Variants in APAF1 observed in about 807,000 individuals in gnomAD.
APAF1 encodes the protein apoptotic peptidase activating factor 1, also known as apoptotic protease-activating factor 1.
A neutral mutation model predicts 152.4 loss-of-function variants in APAF1; 91 were observed. That is an observed-to-expected ratio of 0.60 (90% CI 0.50 to 0.71). The LOEUF is 0.71. Ranked by LOEUF, APAF1 falls within the 30% of genes least tolerant of loss-of-function variation. The pLI is 0.00. For synonymous variants in APAF1, 484 were observed against 494.1 expected (o/e 0.98, Z 0.27); for missense variants, 1,283 against 1,472.0 (o/e 0.87, Z 2.10).
At chr12:98,727,109 T>G in intron 25 of APAF1, 64 bp from the exon 26 acceptor site, 1 of 1,479,692 alleles carries the variant, frequency 6.8e-7, no homozygotes, top group Non-Finnish European at 9.4e-7. Flanking sequence ...GACATATATA[T>G]GTTTTAAAAC....
chr12:98,676,928 A>C (rs2097687221), intron 12 of APAF1, among the ~76,000 whole-genome samples: 1 of 152,238 alleles, frequency 6.6e-6, no homozygotes, highest in Non-Finnish European at 1.5e-5. Context: ...TACAGGCATG[A>C]GCCACTGCGC....
chr12:98,692,784 C>T (rs2097705709), intron 16 of APAF1, among the ~76,000 whole-genome samples: 1 of 152,094 alleles, frequency 6.6e-6, no homozygotes. Flanking sequence ...TTTCCTTTAA[C>T]CTTCCGTTGA....
Position 98,662,749 on chromosome 12 carries a change from A to C in APAF1, c.898A>C (p.Asn300His), listed in dbSNP as rs201562861. ...ACTTGAAATTTTATCCCTTTTTGTT[A>C]ATATGAAGAAGGCAGATTTGCCAGA... is the stretch of plus-strand genomic sequence containing the variant. ...KGLEILSLFV[N>H]MKKADLPEQA... The change falls in exon 7 of 27, where the codon AAT becomes CAT. Residue 300 changes from asparagine to histidine, a missense_variant. Physicochemically the swap from Asn to His is moderately conservative, Grantham distance 68. Transcript: ENST00000551964. 6.1e-5 allele frequency: 99 copies of C among 1,612,164 alleles called. 1 individual carries two copies. The highest frequency in any genetic ancestry group is 7.6e-5 in the Non-Finnish European group (90 of 1,179,236).
intron 16 of APAF1, among the ~76,000 whole-genome samples, chr12:98,698,194 G>A (rs1565881773): frequency 2.0e-5 from 3 of 152,050 alleles, no homozygotes; most frequent in Non-Finnish European, 4.4e-5. Flanking sequence ...TTTTCTTTTT[G>A]TTTTTTAAAA....
At position 98,732,602 on chromosome 12, in the gene APAF1, T is replaced by C. The variant is rs1593143871; in HGVS notation, c.*36T>C. 3.4e-6 allele frequency: 5 copies of C among 1,453,042 alleles called. No individual in the cohort carries two copies. In the East Asian group the frequency reaches 1.2e-4, roughly 35 times the overall value. The allele number at this position is 1,453,042 out of a possible 1,614,324, so 90.0% of individuals were successfully genotyped here. A position where few individuals can be genotyped will look rare whatever the true frequency, so the allele number is the denominator to read the frequency against. ...CATTAATGTAGTTGAACTTTTTAAA[T>C]TTTTGAATTGGAAAAAAATTCTAAT... On this transcript the variant is annotated 3_prime_UTR_variant, in exon 27 of 27. Transcript: ENST00000551964.
intron 19 of APAF1, among the ~76,000 whole-genome samples, 185 bp from the exon 20 acceptor site, chr12:98,708,400 C>A (rs2097724141): frequency 6.6e-6 from 1 of 152,202 alleles, no homozygotes; most frequent in Non-Finnish European, 1.5e-5. Context: ...GAGCCCATAA[C>A]TCTTAATACT....
intron 4 of APAF1, among the ~76,000 whole-genome samples, chr12:98,652,705 C>T (rs1022635121): frequency 2.6e-5 from 4 of 152,106 alleles, no homozygotes; most frequent in Non-Finnish European, 5.9e-5. Context: ...TGGCTCACCA[C>T]AATCTCTGCT....
At chr12:98,702,429 T>C (rs17041383) in intron 17 of APAF1, among the ~76,000 whole-genome samples, 26,751 of 152,144 alleles carry the variant, frequency 0.18, 3,332 homozygotes, top group East Asian at 0.51. Context: ...TATGTCTTGA[T>C]CTTAAATCAG....
chr12:98,727,431 C>A, intron 26 of APAF1, 115 bp downstream of exon 26: 1 of 1,212,874 alleles, frequency 8.2e-7, no homozygotes. Context: ...AGTAAAAAGG[C>A]TGCTACTCCG....
chr12:98,733,774 A>G lies in APAF1; in HGVS notation c.*1208A>G, dbSNP rs549041592. ...GTGAAGTAAAACTTGTATGTTGGAA[A>G]GAGTAGATTTTATTGGTCTACCCTT... On this transcript the variant is annotated 3_prime_UTR_variant, in exon 27 of 27. Coordinates refer to ENST00000551964, the MANE Select transcript of APAF1 (RefSeq NM_181861.2). 2 of 152,368 alleles carry G rather than the reference A, an allele frequency of 1.3e-5. No individual in the cohort carries two copies. The highest frequency in any genetic ancestry group is 4.8e-5 in the African/African-American group (2 of 41,580). The allele number at this position is 152,368 out of a possible 1,614,324, so 9.4% of individuals were successfully genotyped here.
intron 14 of APAF1, 36 bp downstream of exon 14, chr12:98,680,438 A>G (rs1776771734): frequency 6.2e-7 from 1 of 1,604,832 alleles, no homozygotes; most frequent in African/African-American, 1.3e-5. Flanking sequence ...TGTAATCACA[A>G]CAGAATTCAT....
chr12:98,690,021 A>T (rs2288727), intron 16 of APAF1, among the ~76,000 whole-genome samples: 18,552 of 152,202 alleles, frequency 0.12, 1,197 homozygotes, highest in East Asian at 0.25. Flanking sequence ...ATTGTACTCA[A>T]GTATTCAGTA....
In APAF1 at chr12:98,666,224, A is replaced by G; in HGVS notation, c.1229A>G (p.Glu410Gly). 1 of 1,613,996 alleles carries G rather than the reference A, an allele frequency of 6.2e-7. No individual in the cohort carries two copies. Among genetic ancestry groups the G allele is most frequent in the South Asian group, 1.1e-5 (1 of 91,072 alleles). Residue 410 changes from glutamate to glycine, a missense_variant, in exon 9 of 27, where the codon GAA becomes GGA. Glu to Gly is a moderately conservative substitution (Grantham distance 98). Coordinates refer to ENST00000551964, the MANE Select transcript of APAF1 (RefSeq NM_181861.2). Reference sequence around the variant, plus strand: ...ATTCTCTGGGACATGGAAACTGAAGAAGTTGAAGACATACTGCAGGAGTTT... The same window carrying G: ...ATTCTCTGGGACATGGAAACTGAAGGAGTTGAAGACATACTGCAGGAGTTT... ...LCILWDMETE[E>G]VEDILQEFVN... is the part of the protein sequence containing the mutation.
At chr12:98,672,918 C>A (rs1366873771) in intron 12 of APAF1, among the ~76,000 whole-genome samples, 3 of 151,702 alleles carry the variant, frequency 2.0e-5, no homozygotes, top group African/African-American at 7.3e-5. Flanking sequence ...CCACGCCTGG[C>A]CGATTTTGTA....
chr12:98,720,446 T>C (rs1435732713), intron 22 of APAF1, among the ~76,000 whole-genome samples: 3 of 152,342 alleles, frequency 2.0e-5, no homozygotes, highest in Admixed American at 1.3e-4. Flanking sequence ...TAATTATCTT[T>C]GTATCCCCAA....
intron 20 of APAF1, among the ~76,000 whole-genome samples, chr12:98,711,523 T>C (rs919611718): frequency 6.6e-6 from 1 of 152,224 alleles, no homozygotes; most frequent in Non-Finnish European, 1.5e-5. Flanking sequence ...AAGGAAAAAC[T>C]ACCTGTGATT....
intron 16 of APAF1, among the ~76,000 whole-genome samples, chr12:98,692,840 G>T (rs2097705779): frequency 6.6e-6 from 1 of 152,186 alleles, no homozygotes; most frequent in African/African-American, 2.4e-5. Context: ...GAATAGTGCT[G>T]CAGTGAATAT....
intron 16 of APAF1, among the ~76,000 whole-genome samples, chr12:98,695,362 C>CCCTT (rs532047525): frequency 7.1e-6 from 1 of 141,828 alleles, no homozygotes; most frequent in African/African-American, 2.5e-5. Flanking sequence ...CGCCCCCCCC[C>CCCTT]TTTTTTTTTT....
chr12:98,662,768 T>C lies in APAF1; in HGVS notation c.917T>C (p.Leu306Ser), dbSNP rs1375077279. The C allele has an allele frequency of 1.2e-6, 2 of 1,611,886 alleles. No homozygotes were observed. Among genetic ancestry groups the C allele is most frequent in the East Asian group, 2.2e-5 (1 of 44,744 alleles). ...TTTGTTAATATGAAGAAGGCAGATTTGCCAGAACAAGCTCATAGTATTATA... is the reference window on the plus strand; with the variant it reads ...TTTGTTAATATGAAGAAGGCAGATTCGCCAGAACAAGCTCATAGTATTATA... ...SLFVNMKKADLPEQAHSIIKE... is the reference protein window; with the variant it reads ...SLFVNMKKADSPEQAHSIIKE... Residue 306 changes from leucine to serine, a missense_variant, in exon 7 of 27, where the codon TTG becomes TCG. By Grantham distance (145) the Leu-to-Ser change is moderately radical. Coordinates refer to ENST00000551964, the MANE Select transcript of APAF1 (RefSeq NM_181861.2).
Sources: gnomAD v4.1 joint callset for allele counts (sites outside exome capture counted in the v4.1 genomes callset) on GRCh38, gnomAD v4.1.1 for gene constraint, MANE v1.5 for transcripts, NCBI Gene and HGNC (gene_info 2026-07-23, HGNC 2026-07-21) for gene names.